Variants in CNTN4 observed in about 807,000 individuals in gnomAD.
The protein encoded by CNTN4 is contactin 4.
Under a neutral mutation model 122.5 loss-of-function variants are expected in CNTN4, and 77 were observed. That is an observed-to-expected ratio of 0.63 (90% CI 0.52 to 0.76). The LOEUF (loss-of-function observed/expected upper bound fraction) is 0.76, where lower values mean the gene tolerates loss of function less well. Ranked by LOEUF, CNTN4 falls within the 30% of genes least tolerant of loss-of-function variation. CNTN4 has a pLI of 0.00. For synonymous variants in CNTN4, 512 were observed against 447.0 expected (o/e 1.15, Z -1.83); for missense variants, 1,256 against 1,259.1 (o/e 1.00, Z 0.04).
chr3:3,015,788 T>G (rs73808806), intron 14 of CNTN4, among the ~76,000 whole-genome samples: 3,000 of 152,350 alleles, frequency 0.02, 95 homozygotes, highest in African/African-American at 0.069. Flanking sequence ...GAATTCATTG[T>G]CCTTGCCTCA....
intron 3 of CNTN4, among the ~76,000 whole-genome samples, chr3:2,495,823 G>T (rs2076438978): frequency 6.6e-6 from 1 of 152,126 alleles, no homozygotes; most frequent in African/African-American, 2.4e-5. Context: ...AAAGGTTGGG[G>T]ACCACTGGTT....
chr3:2,358,868 A>C (rs2044989791), intron 3 of CNTN4, among the ~76,000 whole-genome samples: 1 of 152,204 alleles, frequency 6.6e-6, no homozygotes. Flanking sequence ...AGAGGATGTC[A>C]TGAATGAAGA....
At chr3:2,180,613 C>T (rs1270375213) in intron 2 of CNTN4, among the ~76,000 whole-genome samples, 1 of 152,034 alleles carries the variant, frequency 6.6e-6, no homozygotes, top group Non-Finnish European at 1.5e-5. Context: ...ATCCATGTTT[C>T]CCAGTCCAGT....
intron 2 of CNTN4, among the ~76,000 whole-genome samples, chr3:2,278,219 G>A (rs1459328800): frequency 1.3e-5 from 2 of 152,150 alleles, no homozygotes; most frequent in African/African-American, 4.8e-5. Flanking sequence ...TATAATCAAT[G>A]AAGAAATAAA....
At chr3:2,280,190 GC>G (rs1650873636) in intron 2 of CNTN4, among the ~76,000 whole-genome samples, 1 of 152,006 alleles carries the variant, frequency 6.6e-6, no homozygotes, top group Non-Finnish European at 1.5e-5. Context: ...AAACTCGTGG[GC>G]TCAAGTGATT....
At position 3,042,984 on chromosome 3, in the gene CNTN4, A is replaced by G. The variant is rs975232284; in HGVS notation, c.2519A>G (p.Tyr840Cys). Residue 840 changes from tyrosine to cysteine, a missense_variant, in exon 22 of 25, where the codon TAT becomes TGT. Physicochemically the swap from Tyr to Cys is radical, Grantham distance 194. Coordinates refer to ENST00000418658, the MANE Select transcript of CNTN4 (RefSeq NM_175607.3). Reference protein sequence around the residue: ...RGRIQGYEVKYWRHEDKEENA... With the variant: ...RGRIQGYEVKCWRHEDKEENA... The stretch of plus-strand genomic sequence containing the variant: ...TTCTGTTTATCTTCTTAGGTTAAAT[A>G]TTGGAGACATGAAGACAAAGAAGAA... The G allele has an allele frequency of 1.2e-6, 2 of 1,613,514 alleles. No individual in the cohort carries two copies. The highest frequency in any genetic ancestry group is 3.3e-5 in the Admixed American group (2 of 60,028).
chr3:2,624,603 G>A (rs2082111805), intron 4 of CNTN4, among the ~76,000 whole-genome samples: 1 of 149,124 alleles, frequency 6.7e-6, no homozygotes, highest in African/African-American at 2.5e-5. Flanking sequence ...TAAGAGTCTT[G>A]GCTCTTAATT....
intron 2 of CNTN4, among the ~76,000 whole-genome samples, chr3:2,231,158 A>C (rs2039470907): frequency 2.0e-5 from 3 of 152,212 alleles, no homozygotes. Context: ...ACCAATATTA[A>C]AACAATTACC....
intron 2 of CNTN4, among the ~76,000 whole-genome samples, chr3:2,139,551 A>G (rs1455120870): frequency 6.6e-6 from 1 of 152,230 alleles, no homozygotes; most frequent in East Asian, 1.9e-4. Context: ...ATGTAATGCA[A>G]TCAAATATTG....
intron 2 of CNTN4, among the ~76,000 whole-genome samples, chr3:2,228,931 A>C (rs983239560): frequency 6.6e-6 from 1 of 152,140 alleles, no homozygotes; most frequent in Non-Finnish European, 1.5e-5. Context: ...TCAGTGCTTC[A>C]TTTTGATGAT....
At chr3:2,510,382 TTTG>T (rs2076850497) in intron 3 of CNTN4, among the ~76,000 whole-genome samples, 1 of 142,956 alleles carries the variant, frequency 7.0e-6, no homozygotes, top group East Asian at 2.1e-4. Flanking sequence ...GGGGTTTTTT[TTTG>T]TTGTTTATTT....
At chr3:2,916,051 A>G (rs2094350027) in intron 12 of CNTN4, among the ~76,000 whole-genome samples, 1 of 152,192 alleles carries the variant, frequency 6.6e-6, no homozygotes, top group Non-Finnish European at 1.5e-5. Context: ...GAGTTGGGTA[A>G]TGGGTATCAA....
At chr3:2,894,640 G>A (rs372301325) in intron 10 of CNTN4, among the ~76,000 whole-genome samples, 12 of 152,210 alleles carry the variant, frequency 7.9e-5, no homozygotes, top group African/African-American at 1.7e-4. Context: ...GGAAAGAGAA[G>A]GGGATGGATT....
chr3:2,978,045 T>C (rs534695191), intron 13 of CNTN4, among the ~76,000 whole-genome samples: 1 of 152,242 alleles, frequency 6.6e-6, no homozygotes, highest in East Asian at 1.9e-4. Context: ...CCAAAGGGTT[T>C]CTCCCGCAGA....
chr3:2,554,017 G>C (rs543133479), intron 3 of CNTN4, among the ~76,000 whole-genome samples: 3 of 151,978 alleles, frequency 2.0e-5, no homozygotes, highest in African/African-American at 7.2e-5. Context: ...CTCAATAATC[G>C]GTGTACTGTA....
rs73126677 is a variant in CNTN4 at position 2,795,483 on chromosome 3, G to A, written c.359-24003G>A. Among the ~76,000 whole-genome samples, 133 of 151,034 alleles carry A rather than the reference G, an allele frequency of 8.8e-4. 4 individuals are homozygous for A. The highest frequency in any genetic ancestry group is 6.8e-3 in the Middle Eastern group (2 of 292). ...AAATGGTGAGAAGCATCATTTTTTC[G>A]TCTTAGCAGTCTTATATTAGAGTAA... On this transcript the variant is annotated intron_variant, in intron 6 of 24. Coordinates refer to ENST00000418658, the MANE Select transcript of CNTN4 (RefSeq NM_175607.3).
intron 2 of CNTN4, among the ~76,000 whole-genome samples, chr3:2,298,424 C>G (rs1364355995): frequency 6.6e-6 from 1 of 152,002 alleles, no homozygotes; most frequent in Non-Finnish European, 1.5e-5. Context: ...CTAATTAAAC[C>G]TTGAATTTTC....
At chr3:2,992,042 C>G (rs1254543116) in intron 14 of CNTN4, among the ~76,000 whole-genome samples, 1 of 152,118 alleles carries the variant, frequency 6.6e-6, no homozygotes, top group Non-Finnish European at 1.5e-5. Flanking sequence ...TTCTCCCTAC[C>G]CTTGCCCCCA....
intron 23 of CNTN4, among the ~76,000 whole-genome samples, chr3:3,050,819 G>A (rs1404525080): frequency 2.0e-5 from 3 of 148,650 alleles, no homozygotes; most frequent in Admixed American, 6.7e-5. Flanking sequence ...AGGTTTGAAT[G>A]CAGGATCCGC....
Sources: gnomAD v4.1 joint callset for allele counts (sites outside exome capture counted in the v4.1 genomes callset) on GRCh38, gnomAD v4.1.1 for gene constraint, MANE v1.5 for transcripts, NCBI Gene and HGNC (gene_info 2026-07-23, HGNC 2026-07-21) for gene names.